Variants in ADAMTS17 observed in about 807,000 individuals in gnomAD.
The protein encoded by ADAMTS17 is ADAM metallopeptidase with thrombospondin type 1 motif 17.
ADAMTS17 carries 113 observed loss-of-function variants against 141.5 expected under a neutral mutation model. The ratio of observed to expected loss-of-function variants is 0.80; its 90% confidence interval spans 0.69 to 0.93. ADAMTS17 has a LOEUF of 0.93. Ranked by LOEUF, ADAMTS17 falls within the 40% of genes least tolerant of loss-of-function variation. The pLI, the probability that ADAMTS17 is intolerant of heterozygous loss-of-function variation, is 0.00. For missense variants in ADAMTS17, 1,659 were observed against 1,517.9 expected, an observed-to-expected ratio of 1.09 and a Z score of -1.54; for synonymous variants, 768 against 630.6, an observed-to-expected ratio of 1.22 and a Z score of -3.27.
At chr15:100,155,844 C>T (rs1567271765) in intron 8 of ADAMTS17, among the ~76,000 whole-genome samples, 1 of 152,212 alleles carries the variant, frequency 6.6e-6, no homozygotes, top group Non-Finnish European at 1.5e-5. Flanking sequence ...CTGTCACCTT[C>T]CCTATTCAGC....
At chr15:100,228,601 T>C (rs1462127326) in intron 7 of ADAMTS17, among the ~76,000 whole-genome samples, 2 of 152,078 alleles carry the variant, frequency 1.3e-5, no homozygotes, top group African/African-American at 4.8e-5. Flanking sequence ...CCAGCCCAAG[T>C]GGACATGTGA....
At chr15:100,281,497 G>A in intron 3 of ADAMTS17, 96 bp from the exon 4 acceptor site, 2 of 1,485,534 alleles carry the variant, frequency 1.3e-6, no homozygotes, top group Middle Eastern at 2.0e-4. Flanking sequence ...CCGAGAGAGT[G>A]GTCAGTCTCG....
chr15:100,058,870 C>T (rs543313646), intron 15 of ADAMTS17, among the ~76,000 whole-genome samples: 54 of 152,308 alleles, frequency 3.5e-4, no homozygotes, highest in African/African-American at 9.6e-4. Flanking sequence ...AAAGAGGCTG[C>T]GGCTGACGGA....
intron 3 of ADAMTS17, among the ~76,000 whole-genome samples, chr15:100,281,703 G>C (rs2044290431): frequency 6.6e-6 from 1 of 152,160 alleles, no homozygotes; most frequent in Non-Finnish European, 1.5e-5. Context: ...CACCCCTTTA[G>C]AGAAGCACGG....
chr15:100,212,007 T>C (rs2041823885), intron 7 of ADAMTS17, among the ~76,000 whole-genome samples: 1 of 152,176 alleles, frequency 6.6e-6, no homozygotes, highest in African/African-American at 2.4e-5. Flanking sequence ...CCATCCAGGC[T>C]GCATTTCCAT....
At chr15:100,129,191 AC>A (rs1334417681) in intron 12 of ADAMTS17, 1 of 152,172 alleles carries the variant, frequency 6.6e-6, no homozygotes, top group Non-Finnish European at 1.5e-5. Context: ...TGCCAAGAAG[AC>A]CAGTCTTCCA....
chr15:100,144,308 T>C (rs905690387), intron 10 of ADAMTS17, among the ~76,000 whole-genome samples: 11 of 152,252 alleles, frequency 7.2e-5, no homozygotes, highest in African/African-American at 2.6e-4. Flanking sequence ...TCCCAGCACT[T>C]TGGGAGGCTG....
intron 9 of ADAMTS17, among the ~76,000 whole-genome samples, chr15:100,153,368 C>T (rs543632458): frequency 7.2e-5 from 11 of 152,080 alleles, no homozygotes; most frequent in African/African-American, 2.7e-4. Flanking sequence ...GGGCCGGGCT[C>T]GGGGGCTCAC....
chr15:100,131,417 C>A (rs954136313), intron 12 of ADAMTS17, among the ~76,000 whole-genome samples: 1 of 145,762 alleles, frequency 6.9e-6, no homozygotes, highest in Non-Finnish European at 1.5e-5. Flanking sequence ...AGGGAAAAAT[C>A]TGGTGATGGA....
At chr15:100,175,007 A>C (rs1229034230) in intron 8 of ADAMTS17, among the ~76,000 whole-genome samples, 4 of 152,152 alleles carry the variant, frequency 2.6e-5, no homozygotes, top group Non-Finnish European at 5.9e-5. Context: ...CCTGGGCAGA[A>C]AGCATCAGGG....
intron 7 of ADAMTS17, among the ~76,000 whole-genome samples, chr15:100,205,982 C>T (rs777480034): frequency 2.0e-5 from 3 of 152,226 alleles, no homozygotes; most frequent in African/African-American, 7.2e-5. Flanking sequence ...GCCACGCACC[C>T]ACTGATCCCT....
chr15:100,240,062 C>A (rs564419281), intron 7 of ADAMTS17, among the ~76,000 whole-genome samples: 1 of 152,186 alleles, frequency 6.6e-6, no homozygotes, highest in Admixed American at 6.5e-5. Flanking sequence ...GCCTGCTCCA[C>A]GTGTACCGGG....
intron 19 of ADAMTS17, among the ~76,000 whole-genome samples, chr15:99,996,164 C>G (rs2060798229): frequency 6.6e-6 from 1 of 151,910 alleles, no homozygotes; most frequent in Non-Finnish European, 1.5e-5. Context: ...AAGCAATTCT[C>G]CTGCCTCAAC....
At chr15:100,303,158 TAAA>T (rs1567512030) in intron 3 of ADAMTS17, among the ~76,000 whole-genome samples, 1 of 146,232 alleles carries the variant, frequency 6.8e-6, no homozygotes, top group Admixed American at 6.8e-5. Context: ...AAACTATATA[TAAA>T]AATATAAAAA....
chr15:100,217,710 A>G (rs1046885495), intron 7 of ADAMTS17, among the ~76,000 whole-genome samples: 2 of 152,218 alleles, frequency 1.3e-5, no homozygotes, highest in African/African-American at 4.8e-5. Flanking sequence ...CAAAGTTGAA[A>G]TTTTTTATGC....
intron 2 of ADAMTS17, among the ~76,000 whole-genome samples, 186 bp downstream of exon 2, chr15:100,340,853 C>T (rs1486689996): frequency 6.6e-6 from 1 of 152,192 alleles, no homozygotes. Context: ...CCTCCCACCC[C>T]CTTTGCCTAT....
intron 15 of ADAMTS17, among the ~76,000 whole-genome samples, chr15:100,062,234 C>G: frequency 6.6e-6 from 1 of 152,284 alleles, no homozygotes; most frequent in South Asian, 2.1e-4. Flanking sequence ...CCAGGGATGT[C>G]AAGGTCTTAC....
intron 15 of ADAMTS17, among the ~76,000 whole-genome samples, chr15:100,086,153 C>T (rs1299739052): frequency 2.0e-5 from 3 of 151,920 alleles, no homozygotes; most frequent in Non-Finnish European, 4.4e-5. Context: ...TGAAGGAAGA[C>T]CTACCAAGCA....
chr15:100,314,505 G>T (rs117898861), intron 3 of ADAMTS17, among the ~76,000 whole-genome samples: 1,694 of 152,274 alleles, frequency 0.011, 18 homozygotes, highest in South Asian at 0.024. Flanking sequence ...AGAGGGAAGA[G>T]AGAGAGAACA....
Sources: gnomAD v4.1 joint callset for allele counts (sites outside exome capture counted in the v4.1 genomes callset) on GRCh38, gnomAD v4.1.1 for gene constraint, MANE v1.5 for transcripts, NCBI Gene and HGNC (gene_info 2026-07-23, HGNC 2026-07-21) for gene names.